Variants in GP5 observed in about 807,000 individuals in gnomAD.
The protein encoded by GP5 is platelet glycoprotein V.
For missense variants in GP5, 755 were observed against 737.1 expected (o/e 1.02, Z -0.28); for synonymous variants, 382 against 353.9 (o/e 1.08, Z -0.89).
rs1031182551 is a variant in GP5, at chr3:194,397,197, G to A, written c.1086C>T (p.Leu362=). The A allele has an allele frequency of 3.5e-5, 55 of 1,570,704 alleles. No homozygotes were observed. Among genetic ancestry groups the A allele is most frequent in the Non-Finnish European group, 4.3e-5 (50 of 1,166,448 alleles). The change falls in exon 2 of 2, where the codon CTC becomes CTT. Residue 362 remains leucine (L), a synonymous_variant. Transcript: ENST00000692618. The surrounding 1 kb of genome is among the most constrained non-coding windows in gnomAD (Gnocchi z 7.2). ...GCAGGGACACCTGGCGCAGCTTGCC[G>A]AGGCCGCGCAGCAAGCCGTCGGGGA... ...TALPDGLLRG[L]GKLRQVSLRR...
Position 194,397,141 on chromosome 3 carries a change from G to T in GP5, c.1142C>A (p.Ala381Asp), listed in dbSNP as rs1250065402. The change falls in exon 2 of 2, where the codon GCC becomes GAC. Residue 381 changes from alanine (A) to aspartate (D), a missense_variant. By Grantham distance (126) the Ala-to-Asp change is moderately radical. Transcript: ENST00000692618. The surrounding 1 kb of genome is among the most constrained non-coding windows in gnomAD (Gnocchi z 7.2). The part of the protein sequence containing the change: ...RRNRLRALPR[A>D]LFRNLSSLES... ...CAGGCTGCTGAGATTGCGGAAGAGG[G>T]CACGGGGCAGGGCGCGCAGCCTGTT... 2 of 1,586,948 alleles carry T rather than the reference G, an allele frequency of 1.3e-6. No individual in the cohort carries two copies. The highest frequency in any genetic ancestry group is 8.5e-7 in the Non-Finnish European group (1 of 1,174,572).
chr3:194,396,289 C>T lies in GP5; in HGVS notation c.*311G>A. On this transcript the variant is annotated 3_prime_UTR_variant, in exon 2 of 2. Coordinates refer to ENST00000692618, the MANE Select transcript of GP5 (RefSeq NM_004488.2). ...CACGGATGGGTCCAACACAGTCCAG[C>T]GCCCCCGGCAGTGTCAGCGCACACC... The T allele has an allele frequency of 3.1e-6, 1 of 321,832 alleles. No individual in the cohort carries two copies. Among genetic ancestry groups the T allele is most frequent in the Non-Finnish European group, 5.8e-6 (1 of 171,918 alleles). 19.9% of individuals were successfully genotyped at this position (321,832 alleles called of 1,614,324 possible). A position where few individuals can be genotyped will look rare whatever the true frequency, so the allele number is the denominator to read the frequency against.
At chr3:194,398,552 A>C (rs757511875) in intron 1 of GP5, among the ~76,000 whole-genome samples, 12 of 152,264 alleles carry the variant, frequency 7.9e-5, no homozygotes, top group Non-Finnish European at 4.4e-5. Context: ...CCAATACTTT[A>C]AAGTCCTTAC....
chr3:194,398,338 A>T, intron 1 of GP5, 54 bp from the exon 2 acceptor site: 1 of 1,483,216 alleles, frequency 6.7e-7, no homozygotes, highest in African/African-American at 1.4e-5. Context: ...TCGCGCCTGT[A>T]CTGAACCCTG....
At position 194,398,213 on chromosome 3, in the gene GP5, C is replaced by G. The variant is rs1577011870; in HGVS notation, c.70G>C (p.Ala24Pro). The G allele has an allele frequency of 6.2e-7, 1 of 1,612,510 alleles. No individual in the cohort carries two copies. The highest frequency in any genetic ancestry group is 1.3e-5 in the African/African-American group (1 of 74,928). The change falls in exon 2 of 2, where the codon GCT becomes CCT. Residue 24 changes from alanine to proline, a missense_variant. Coordinates refer to ENST00000692618, the MANE Select transcript of GP5 (RefSeq NM_004488.2). ...GCGTCCCGGAAGACACACTTGCAAG[C>G]TGGCGGACAGGGGAAGGGCTGGGCG... ...LRAQPFPCPP[A>P]CKCVFRDAAQ...
At position 194,396,316 on chromosome 3, in the gene GP5, G is replaced by T; in HGVS notation, c.*284C>A. The T allele has an allele frequency of 2.9e-6, 1 of 344,356 alleles. No homozygotes were observed. The highest frequency in any genetic ancestry group is 5.4e-5 in the South Asian group (1 of 18,628). 21.3% of individuals were successfully genotyped at this position (344,356 alleles called of 1,614,324 possible). A position where few individuals can be genotyped will look rare whatever the true frequency, so the allele number is the denominator to read the frequency against. On this transcript the variant is annotated 3_prime_UTR_variant, in exon 2 of 2. Transcript: ENST00000692618. ...CCCCCGGCAGTGTCAGCGCACACCCGCGTGGGAGCTGGGGAAGGCAGGCAA... is the reference window on the plus strand; with the variant it reads ...CCCCCGGCAGTGTCAGCGCACACCCTCGTGGGAGCTGGGGAAGGCAGGCAA...
Position 194,396,313 on chromosome 3 carries a change from C to A in GP5, c.*287G>T, listed in dbSNP as rs114732844. 2 of 345,920 alleles carry A rather than the reference C, an allele frequency of 5.8e-6. No homozygotes were observed. Among genetic ancestry groups the A allele is most frequent in the Admixed American group, 4.0e-5 (1 of 24,862 alleles). The allele number at this position is 345,920 out of a possible 1,614,324, so 21.4% of individuals were successfully genotyped here. A position where few individuals can be genotyped will look rare whatever the true frequency, so the allele number is the denominator to read the frequency against. ...GCGCCCCCGGCAGTGTCAGCGCACA[C>A]CCGCGTGGGAGCTGGGGAAGGCAGG... is the stretch of plus-strand genomic sequence containing the variant. On this transcript the variant is annotated 3_prime_UTR_variant, in exon 2 of 2. Coordinates refer to ENST00000692618, the MANE Select transcript of GP5 (RefSeq NM_004488.2).
Position 194,396,894 on chromosome 3 carries a change from C to A in GP5, c.1389G>T (p.Trp463Cys). 1 of 1,536,418 alleles carries A rather than the reference C, an allele frequency of 6.5e-7. No homozygotes were observed. The highest frequency in any genetic ancestry group is 2.3e-5 in the East Asian group (1 of 42,566). ...GPGAHAGLPL[W>C]ALPGGDAECP... The stretch of plus-strand genomic sequence containing the variant: ...ACTCCGCGTCACCCCCCGGCAGGGC[C>A]CAGAGCGGCAGGCCGGCGTGCGCCC... Residue 463 changes from tryptophan to cysteine, a missense_variant, in exon 2 of 2, where the codon TGG becomes TGT. Physicochemically the swap from Trp to Cys is radical, Grantham distance 215 (BLOSUM62 -2). Coordinates refer to ENST00000692618, the MANE Select transcript of GP5 (RefSeq NM_004488.2).
Position 194,397,299 on chromosome 3 carries a change from G to A in GP5, c.984C>T (p.Ser328=). Residue 328 remains serine, a synonymous_variant, in exon 2 of 2, where the codon AGC becomes AGT. Coordinates refer to ENST00000692618, the MANE Select transcript of GP5 (RefSeq NM_004488.2). The surrounding 1 kb of genome is among the most constrained non-coding windows in gnomAD (Gnocchi z 7.2). ...YLGVTLSPRL[S]ALPQGAFQGL... Reference sequence around the variant, plus strand: ...CCTGGAAGGCGCCCTGCGGAAGCGCGCTCAGCCGCGGGCTCAGAGTCACCC... The same window carrying A: ...CCTGGAAGGCGCCCTGCGGAAGCGCACTCAGCCGCGGGCTCAGAGTCACCC... 6.3e-7 allele frequency: 1 copy of A among 1,582,462 alleles called. No homozygotes were observed. The highest frequency in any genetic ancestry group is 8.5e-7 in the Non-Finnish European group (1 of 1,171,770).
chr3:194,397,150 A>C lies in GP5; in HGVS notation c.1133T>G (p.Leu378Arg), dbSNP rs1211065975. Reference protein sequence around the residue: ...VSLRRNRLRALPRALFRNLSS... With the variant: ...VSLRRNRLRARPRALFRNLSS... ...GAGATTGCGGAAGAGGGCACGGGGC[A>C]GGGCGCGCAGCCTGTTGCGGCGCAG... Residue 378 changes from leucine to arginine, a missense_variant, in exon 2 of 2, where the codon CTG becomes CGG. Physicochemically the swap from Leu to Arg is moderately radical, Grantham distance 102. Transcript: ENST00000692618. The surrounding 1 kb of genome is among the most constrained non-coding windows in gnomAD (Gnocchi z 7.2). 6.3e-7 allele frequency: 1 copy of C among 1,584,382 alleles called. No individual in the cohort carries two copies. Among genetic ancestry groups the C allele is most frequent in the Non-Finnish European group, 8.5e-7 (1 of 1,173,464 alleles).
Position 194,396,950 on chromosome 3 carries a change from C to T in GP5, c.1333G>A (p.Gly445Arg), listed in dbSNP as rs1463741485. 11 of 1,545,164 alleles carry T rather than the reference C, an allele frequency of 7.1e-6. No individual in the cohort carries two copies. The Admixed American group carries it at 9.7e-5, about 14-fold the overall frequency. The change falls in exon 2 of 2, where the codon GGG becomes AGG. Residue 445 changes from glycine (G) to arginine (R), a missense_variant. Physicochemically the swap from Gly to Arg is moderately radical, Grantham distance 125. Transcript: ENST00000692618. ...WLRQHLGLVGGEEPPRCAGPG... is the reference protein window; with the variant it reads ...WLRQHLGLVGREEPPRCAGPG... ...CCTGCGCACCGTGGGGGCTCTTCCCCGCCCACGAGGCCTAGGTGCTGCCGC... is the reference window on the plus strand; with the variant it reads ...CCTGCGCACCGTGGGGGCTCTTCCCTGCCCACGAGGCCTAGGTGCTGCCGC...
chr3:194,398,329 C>T (rs1485008976), intron 1 of GP5, 45 bp from the exon 2 acceptor site: 33 of 1,508,400 alleles, frequency 2.2e-5, no homozygotes, highest in Non-Finnish European at 2.7e-5. Context: ...CAGGAGCGTT[C>T]GCGCCTGTAC....
Position 194,396,898 on chromosome 3 carries a change from A to T in GP5, c.1385T>A (p.Leu462His). 6.6e-7 allele frequency: 1 copy of T among 1,522,234 alleles called. No individual in the cohort carries two copies. The highest frequency in any genetic ancestry group is 8.8e-7 in the Non-Finnish European group (1 of 1,138,174). 94.3% of individuals were successfully genotyped at this position (1,522,234 alleles called of 1,614,324 possible). A position where few individuals can be genotyped will look rare whatever the true frequency, so the allele number is the denominator to read the frequency against. ...CGCGTCACCCCCCGGCAGGGCCCAGAGCGGCAGGCCGGCGTGCGCCCCAGG... is the reference window on the plus strand; with the variant it reads ...CGCGTCACCCCCCGGCAGGGCCCAGTGCGGCAGGCCGGCGTGCGCCCCAGG... The part of the protein sequence containing the change: ...AGPGAHAGLP[L>H]WALPGGDAEC... Residue 462 changes from leucine to histidine, a missense_variant, in exon 2 of 2, where the codon CTC becomes CAC. Physicochemically the swap from Leu to His is moderately conservative, Grantham distance 99. Coordinates refer to ENST00000692618, the MANE Select transcript of GP5 (RefSeq NM_004488.2).
chr3:194,397,510 G>C lies in GP5; in HGVS notation c.773C>G (p.Pro258Arg). Residue 258 changes from proline to arginine, a missense_variant, in exon 2 of 2, where the codon CCC (proline) becomes CGC (arginine). Physicochemically the swap from Pro to Arg is moderately radical, Grantham distance 103. Coordinates refer to ENST00000692618, the MANE Select transcript of GP5 (RefSeq NM_004488.2). The surrounding 1 kb of genome is among the most constrained non-coding windows in gnomAD (Gnocchi z 7.2). ...TLSRNHLAFL[P>R]SALFLHSHNL... ...GTGCGAATGAAGAAAGAGCGCAGAG[G>C]GGAGAAACGCAAGGTGGTTTCTCGA... 6.2e-7 allele frequency: 1 copy of C among 1,614,002 alleles called. No individual in the cohort carries two copies. Among genetic ancestry groups the C allele is most frequent in the Non-Finnish European group, 8.5e-7 (1 of 1,179,946 alleles).
At position 194,397,202 on chromosome 3, in the gene GP5, C is replaced by A. The variant is rs746725604; in HGVS notation, c.1081G>T (p.Gly361Cys). ...LTALPDGLLRGLGKLRQVSLR... is the reference protein window; with the variant it reads ...LTALPDGLLRCLGKLRQVSLR... ...GACACCTGGCGCAGCTTGCCGAGGC[C>A]GCGCAGCAAGCCGTCGGGGAGGGCG... The change falls in exon 2 of 2, where the codon GGC becomes TGC. Residue 361 changes from glycine to cysteine, a missense_variant. Coordinates refer to ENST00000692618, the MANE Select transcript of GP5 (RefSeq NM_004488.2). The surrounding 1 kb of genome is among the most constrained non-coding windows in gnomAD (Gnocchi z 7.2). 2.5e-6 allele frequency: 4 copies of A among 1,570,478 alleles called. No individual in the cohort carries two copies. Among genetic ancestry groups the A allele is most frequent in the Admixed American group, 1.8e-5 (1 of 55,340 alleles).
At position 194,398,163 on chromosome 3, in the gene GP5, C is replaced by T. The variant is rs1378325377; in HGVS notation, c.120G>A (p.Val40=). The T allele has an allele frequency of 6.8e-6, 11 of 1,612,716 alleles. No individual in the cohort carries two copies. The highest frequency in any genetic ancestry group is 3.3e-5 in the South Asian group (3 of 91,044). Residue 40 remains valine, a synonymous_variant, in exon 2 of 2, where the codon GTG becomes GTA. Coordinates refer to ENST00000692618, the MANE Select transcript of GP5 (RefSeq NM_004488.2). ...GCAGGCCTAGCGCGGAGATGCGCGC[C>T]ACGTCGCCCCCCGAGCACTGCGCGG... ...RDAAQCSGGD[V]ARISALGLPT... is the part of the protein sequence containing the mutation.
rs1232818715 is a variant in GP5 at position 194,398,061 on chromosome 3, G to A, written c.222C>T (p.Thr74=). The part of the protein sequence containing the change: ...VLQSQSFSGM[T]VLQRLMISDS... ...CGGAGATCATGAGGCGCTGCAGGAC[G>A]GTCATGCCGCTGAAGCTCTGGCTCT... Residue 74 remains threonine, a synonymous_variant, in exon 2 of 2, where the codon ACC becomes ACT. Transcript: ENST00000692618. 19 of 1,613,920 alleles carry A rather than the reference G, an allele frequency of 1.2e-5. No homozygotes were observed. The highest frequency in any genetic ancestry group is 2.2e-5 in the East Asian group (1 of 44,880).
Position 194,397,197 on chromosome 3 carries a change from G to C in GP5, c.1086C>G (p.Leu362=), listed in dbSNP as rs1031182551. The part of the protein sequence containing the change: ...TALPDGLLRG[L]GKLRQVSLRR... ...GCAGGGACACCTGGCGCAGCTTGCCGAGGCCGCGCAGCAAGCCGTCGGGGA... is the reference window on the plus strand; with the variant it reads ...GCAGGGACACCTGGCGCAGCTTGCCCAGGCCGCGCAGCAAGCCGTCGGGGA... Residue 362 remains leucine, a synonymous_variant, in exon 2 of 2, where the codon CTC becomes CTG. Coordinates refer to ENST00000692618, the MANE Select transcript of GP5 (RefSeq NM_004488.2). The surrounding 1 kb of genome is among the most constrained non-coding windows in gnomAD (Gnocchi z 7.2). 4 of 1,570,704 alleles carry C rather than the reference G, an allele frequency of 2.5e-6. No homozygotes were observed. In the African/African-American group the frequency reaches 5.4e-5, roughly 21 times the overall value.
chr3:194,397,421 C>T lies in GP5; in HGVS notation c.862G>A (p.Glu288Lys). ...LAELPGVLFG[E>K]MGGLQELWLN... ...CACAGCTCCTGCAGGCCCCCCATCT[C>T]CCCGAAGAGCACCCCCGGGAGCTCT... The change falls in exon 2 of 2, where the codon GAG becomes AAG. Residue 288 changes from glutamate (E) to lysine (K), a missense_variant. Coordinates refer to ENST00000692618, the MANE Select transcript of GP5 (RefSeq NM_004488.2). The surrounding 1 kb of genome is among the most constrained non-coding windows in gnomAD (Gnocchi z 7.2). The T allele has an allele frequency of 6.2e-7, 1 of 1,612,992 alleles. No individual in the cohort carries two copies. The highest frequency in any genetic ancestry group is 1.3e-5 in the African/African-American group (1 of 74,944).
Sources: allele counts gnomAD v4.1 joint callset (sites outside exome capture counted in the v4.1 genomes callset), GRCh38; gene constraint gnomAD v4.1.1; non-coding constraint Gnocchi (gnomAD v3.1); transcripts MANE v1.5; gene names NCBI Gene and HGNC (gene_info 2026-07-23, HGNC 2026-07-21).